GALNT13: variants seen among roughly 807,000 people sequenced by gnomAD.
GALNT13 encodes the protein UDP-GalNAc:polypeptide N-acetylgalactosaminyltransferase 13.
In GALNT13, 28 loss-of-function variants were observed where a neutral mutation model predicts 64.2. The ratio of observed to expected loss-of-function variants is 0.44; its 90% CI spans 0.32 to 0.60. The LOEUF (loss-of-function observed/expected upper bound fraction) is 0.60. GALNT13 is among the 20% of genes least tolerant of loss of function. The pLI, the probability that GALNT13 is intolerant of heterozygous loss-of-function variation, is 0.05. For missense variants in GALNT13, 577 were observed against 669.8 expected (o/e 0.86, Z 1.53); for synonymous variants, 214 against 224.6 (o/e 0.95, Z 0.42).
the GALNT13 span, among the ~76,000 whole-genome samples, chr2:153,500,555 T>G: frequency 6.6e-6 from 1 of 152,226 alleles, no homozygotes; most frequent in African/African-American, 2.4e-5. Context: ...GGTCCAGATT[T>G]TTACATTATG....
the GALNT13 span, among the ~76,000 whole-genome samples, chr2:153,345,719 G>GTCTTTCCT: frequency 0.037 from 2,997 of 80,012 alleles, 360 homozygotes; most frequent in Middle Eastern, 0.06. Flanking sequence ...CTCTCTTTCT[G>GTCTTTCCT]TCCTTCCTTC....
chr2:154,211,160 G>T (rs768824592), intron 4 of GALNT13, among the ~76,000 whole-genome samples: 3 of 152,058 alleles, frequency 2.0e-5, no homozygotes, highest in Non-Finnish European at 2.9e-5. Flanking sequence ...AGGTTATTTT[G>T]TCATGCAAAC....
At chr2:154,108,694 T>C (rs952822929) in intron 3 of GALNT13, among the ~76,000 whole-genome samples, 1 of 152,056 alleles carries the variant, frequency 6.6e-6, no homozygotes, top group African/African-American at 2.4e-5. Context: ...GTGATTTTTT[T>C]TTCTTCTTTT....
chr2:153,129,498 G>C, the GALNT13 span, among the ~76,000 whole-genome samples: 1 of 152,154 alleles, frequency 6.6e-6, no homozygotes, highest in Non-Finnish European at 1.5e-5. Context: ...AATTAGGCTG[G>C]GCGCAGTGGC....
chr2:153,444,785 C>G, the GALNT13 span, among the ~76,000 whole-genome samples: 1 of 151,998 alleles, frequency 6.6e-6, no homozygotes, highest in Admixed American at 6.6e-5. Flanking sequence ...CTATTAATTG[C>G]TAAGTGTCAT....
rs80066180 is a variant in GALNT13 at position 154,365,067 on chromosome 2, C to T, written c.1157-30924C>T. Among the ~76,000 whole-genome samples the T allele has an allele frequency of 3.9e-5, 6 of 152,292 alleles. No homozygotes were observed. The East Asian group carries it at 1.2e-3, about 29-fold the overall frequency. ...CCTACTAGACAAACTAGTTCAACATCGTTCAATTTTCACATGAAAATTAGC... is the reference window on the plus strand; with the variant it reads ...CCTACTAGACAAACTAGTTCAACATTGTTCAATTTTCACATGAAAATTAGC... On this transcript the variant is annotated intron_variant, in intron 9 of 12. Transcript: ENST00000392825.
At chr2:154,409,172 T>C (rs1699683567) in intron 11 of GALNT13, 90 bp downstream of exon 11, 1 of 815,904 alleles carries the variant, frequency 1.2e-6, no homozygotes, top group Non-Finnish European at 2.2e-6. Flanking sequence ...TGTTAATAAC[T>C]ATAAACTGAG....
chr2:153,862,926 T>G, the GALNT13 span, among the ~76,000 whole-genome samples: 1 of 152,114 alleles, frequency 6.6e-6, no homozygotes, highest in South Asian at 2.1e-4. Context: ...ACCAAATTCT[T>G]CATAGTTAAT....
the GALNT13 span, among the ~76,000 whole-genome samples, chr2:153,088,899 C>A: frequency 6.6e-6 from 1 of 151,954 alleles, no homozygotes; most frequent in Non-Finnish European, 1.5e-5. Context: ...TCTCAGATAC[C>A]TTGTAGGTGG....
chr2:153,838,515 G>A, the GALNT13 span, among the ~76,000 whole-genome samples: 6 of 151,840 alleles, frequency 4.0e-5, no homozygotes, highest in South Asian at 2.1e-4. Context: ...TTGAAGGGAC[G>A]GCCCTTTCCC....
At chr2:153,852,457 G>A in the GALNT13 span, among the ~76,000 whole-genome samples, 4 of 152,076 alleles carry the variant, frequency 2.6e-5, no homozygotes, top group South Asian at 6.2e-4. Context: ...TCATCTATAG[G>A]ACGTAATCCT....
chr2:153,864,985 G>C, the GALNT13 span, among the ~76,000 whole-genome samples: 1 of 148,730 alleles, frequency 6.7e-6, no homozygotes, highest in African/African-American at 2.5e-5. Flanking sequence ...GAACAGAACA[G>C]AGCCCTCAGA....
In GALNT13 at chr2:154,395,843, T is replaced by C. The variant is rs1230743945; in HGVS notation, c.1157-148T>C. On this transcript the variant is annotated intron_variant, in intron 9 of 12. Coordinates refer to ENST00000392825, the MANE Select transcript of GALNT13 (RefSeq NM_052917.4). ...TCTATTTAATGTACTAATTCGATGG[T>C]AGTAAAAATCCAGTGGAGTAGCAGC... is the stretch of plus-strand genomic sequence containing the variant. 7.2e-6 allele frequency: 4 copies of C among 558,408 alleles called. No individual in the cohort carries two copies. In the Middle Eastern group the frequency reaches 1.3e-3, roughly 179 times the overall value. 34.6% of individuals were successfully genotyped at this position (558,408 alleles called of 1,614,324 possible).
At chr2:153,319,996 C>T in the GALNT13 span, among the ~76,000 whole-genome samples, 2 of 152,096 alleles carry the variant, frequency 1.3e-5, no homozygotes, top group Admixed American at 1.3e-4. Context: ...AGTAGTCTAG[C>T]TGTTCTCAAC....
At chr2:154,361,639 C>T (rs1018530211) in intron 9 of GALNT13, among the ~76,000 whole-genome samples, 22 of 152,008 alleles carry the variant, frequency 1.4e-4, no homozygotes, top group Admixed American at 6.6e-5. Flanking sequence ...AAGTGCTTAG[C>T]CCATTTCTGT....
intron 9 of GALNT13, among the ~76,000 whole-genome samples, chr2:154,379,586 A>C (rs1559123656): frequency 6.6e-6 from 1 of 152,106 alleles, no homozygotes; most frequent in Non-Finnish European, 1.5e-5. Flanking sequence ...GAAACTACTT[A>C]AAATGTAAAA....
the GALNT13 span, among the ~76,000 whole-genome samples, chr2:153,659,526 G>A: frequency 3.9e-5 from 6 of 151,906 alleles, no homozygotes; most frequent in African/African-American, 9.7e-5. Context: ...TAGTTGATGG[G>A]CAAAACACAT....
At chr2:153,197,175 G>A in the GALNT13 span, among the ~76,000 whole-genome samples, 1 of 152,220 alleles carries the variant, frequency 6.6e-6, no homozygotes, top group East Asian at 1.9e-4. Context: ...TTATGAAGAT[G>A]CTGAATGGCA....
At chr2:153,284,072 G>A in the GALNT13 span, among the ~76,000 whole-genome samples, 1 of 152,168 alleles carries the variant, frequency 6.6e-6, no homozygotes, top group Admixed American at 6.5e-5. Flanking sequence ...CTATGCCCAG[G>A]GATGTTAGGG....
Sources: gnomAD v4.1 joint callset for allele counts (sites outside exome capture counted in the v4.1 genomes callset) on GRCh38, gnomAD v4.1.1 for gene constraint, MANE v1.5 for transcripts, NCBI Gene and HGNC (gene_info 2026-07-23, HGNC 2026-07-21) for gene names.